CLNK: variants seen among roughly 807,000 people sequenced by gnomAD.
CLNK encodes cytokine-dependent hematopoietic cell linker.
In CLNK, 74 loss-of-function variants were observed where a neutral mutation model predicts 68.6. The observed-to-expected ratio is 1.08, with a 90% CI of 0.89 to 1.31. The LOEUF (loss-of-function observed/expected upper bound fraction) is 1.31, where lower values mean the gene tolerates loss of function less well. Ranked by LOEUF, CLNK falls within the 50% of genes most tolerant of loss-of-function variation. The pLI is 0.00. For synonymous variants in CLNK, 198 were observed against 172.2 expected (o/e 1.15, Z -1.17); for missense variants, 553 against 515.3 (o/e 1.07, Z -0.71).
intron 2 of CLNK, among the ~76,000 whole-genome samples, chr4:10,610,394 C>CA (rs201488007): frequency 0.041 from 6,139 of 150,506 alleles, 185 homozygotes; most frequent in Middle Eastern, 0.092. Flanking sequence ...AAGAGAAAGA[C>CA]AAAAAAAGCT....
intron 7 of CLNK, among the ~76,000 whole-genome samples, chr4:10,559,134 A>G (rs985710762): frequency 6.6e-6 from 1 of 152,206 alleles, no homozygotes; most frequent in East Asian, 1.9e-4. Flanking sequence ...ACTGGAAGAC[A>G]TAAAGGTGAA....
chr4:10,635,571 G>A (rs1186618509), intron 2 of CLNK, among the ~76,000 whole-genome samples: 1 of 152,134 alleles, frequency 6.6e-6, no homozygotes, highest in Admixed American at 6.5e-5. Context: ...ATACTGCAGA[G>A]TATCAGCAAA....
At chr4:10,634,037 G>T (rs1195673014) in intron 2 of CLNK, among the ~76,000 whole-genome samples, 1 of 152,178 alleles carries the variant, frequency 6.6e-6, no homozygotes, top group East Asian at 1.9e-4. Context: ...GATCACACAG[G>T]TAGAGCTGGG....
chr4:10,507,084 C>T (rs1717329624), intron 17 of CLNK, among the ~76,000 whole-genome samples: 1 of 151,140 alleles, frequency 6.6e-6, no homozygotes, highest in Admixed American at 6.6e-5. Context: ...GGATTACAGG[C>T]ATGAGCCACC....
At chr4:10,656,923 T>C (rs1274730000) in intron 2 of CLNK, among the ~76,000 whole-genome samples, 4 of 152,212 alleles carry the variant, frequency 2.6e-5, no homozygotes, top group Non-Finnish European at 4.4e-5. Flanking sequence ...ATCTTTGGAA[T>C]GTACATTGGG....
the CLNK span, among the ~76,000 whole-genome samples, chr4:10,720,073 T>C: frequency 7.9e-5 from 12 of 151,572 alleles, no homozygotes; most frequent in Non-Finnish European, 1.8e-4. Context: ...GAGAGGGAAA[T>C]TTAGAGCACT....
At chr4:10,643,846 T>C (rs968029491) in intron 2 of CLNK, among the ~76,000 whole-genome samples, 1 of 152,260 alleles carries the variant, frequency 6.6e-6, no homozygotes, top group African/African-American at 2.4e-5. Flanking sequence ...AATTATTTTA[T>C]GCTCTTAGAT....
chr4:10,502,090 C>A (rs1577089685), intron 17 of CLNK, among the ~76,000 whole-genome samples: 1 of 152,188 alleles, frequency 6.6e-6, no homozygotes, highest in East Asian at 1.9e-4. Context: ...CCACCATTTC[C>A]CAAAGGCACC....
chr4:10,623,209 T>G (rs1465347175), intron 2 of CLNK, among the ~76,000 whole-genome samples: 1 of 152,218 alleles, frequency 6.6e-6, no homozygotes, highest in Non-Finnish European at 1.5e-5. Flanking sequence ...CTTCATGAAC[T>G]CCTGACTTAA....
At chr4:10,531,877 C>T in intron 12 of CLNK, 1 of 469,728 alleles carries the variant, frequency 2.1e-6, no homozygotes, top group South Asian at 1.6e-5. Flanking sequence ...ATTCCTTCTA[C>T]TTTGCATTCC....
At chr4:10,724,800 C>T in the CLNK span, among the ~76,000 whole-genome samples, 4 of 152,218 alleles carry the variant, frequency 2.6e-5, no homozygotes, top group Admixed American at 6.5e-5. Context: ...TGTTTTATTG[C>T]TAATCCCCTA....
At chr4:10,520,867 G>A in intron 14 of CLNK, 36 bp from the exon 15 acceptor site, 3 of 1,509,394 alleles carry the variant, frequency 2.0e-6, no homozygotes, top group Non-Finnish European at 2.7e-6. Context: ...AAGAATGTTA[G>A]TATTTCCCCT....
chr4:10,577,080 T>C (rs1211355698), intron 4 of CLNK, among the ~76,000 whole-genome samples: 3 of 152,192 alleles, frequency 2.0e-5, no homozygotes, highest in African/African-American at 4.8e-5. Context: ...TATGCTCATC[T>C]TGCATGAGAA....
chr4:10,581,816 A>G (rs1305571133), intron 4 of CLNK, among the ~76,000 whole-genome samples: 1 of 152,018 alleles, frequency 6.6e-6, no homozygotes, highest in African/African-American at 2.4e-5. Context: ...AATAATAGAG[A>G]CATTTGTTAT....
At chr4:10,606,245 C>T (rs1356869210) in intron 2 of CLNK, among the ~76,000 whole-genome samples, 1 of 152,140 alleles carries the variant, frequency 6.6e-6, no homozygotes, top group East Asian at 1.9e-4. Flanking sequence ...GACAGTAACA[C>T]ACACCTTAGC....
intron 2 of CLNK, among the ~76,000 whole-genome samples, chr4:10,620,393 A>C (rs1403394165): frequency 6.6e-6 from 1 of 152,128 alleles, no homozygotes; most frequent in African/African-American, 2.4e-5. Context: ...CACCTATCCT[A>C]AAGTCACCTC....
the CLNK span, chr4:10,692,224 A>G: frequency 3.3e-5 from 5 of 152,170 alleles, no homozygotes; most frequent in Non-Finnish European, 5.9e-5. Context: ...ACTCCTCAGC[A>G]TAATGTTTTG....
chr4:10,627,819 C>T (rs1013986018), intron 2 of CLNK, among the ~76,000 whole-genome samples: 2 of 152,202 alleles, frequency 1.3e-5, no homozygotes, highest in African/African-American at 4.8e-5. Context: ...TGCCTGAGCC[C>T]CTCACCTCTG....
chr4:10,581,578 G>C (rs1252535655), intron 4 of CLNK, among the ~76,000 whole-genome samples: 1 of 152,082 alleles, frequency 6.6e-6, no homozygotes, highest in Non-Finnish European at 1.5e-5. Context: ...GTTTACTTCT[G>C]TTCTCTAGTT....
Sources: gnomAD v4.1 joint callset for allele counts (sites outside exome capture counted in the v4.1 genomes callset) on GRCh38, gnomAD v4.1.1 for gene constraint, MANE v1.5 for transcripts, NCBI Gene and HGNC (gene_info 2026-07-23, HGNC 2026-07-21) for gene names.